TBL1XR1: variants seen among roughly 807,000 people sequenced by gnomAD.
TBL1XR1 encodes the protein F-box-like/WD repeat-containing protein TBL1XR1.
In TBL1XR1, 5 loss-of-function variants were observed where a neutral mutation model predicts 66.9. The ratio of observed to expected loss-of-function variants is 0.07; its 90% CI spans 0.04 to 0.16. The LOEUF (loss-of-function observed/expected upper bound fraction) is 0.16. Among genes scored for constraint, TBL1XR1 ranks in the 10% least tolerant of loss-of-function variants. The pLI, the probability that TBL1XR1 is intolerant of heterozygous loss-of-function variation, is 1.00. For missense variants in TBL1XR1, 238 were observed against 623.2 expected (o/e 0.38, Z 6.58); for synonymous variants, 210 against 206.0 (o/e 1.02, Z -0.17).
chr3:177,155,914 C>A (rs1443027401), intron 1 of TBL1XR1, among the ~76,000 whole-genome samples: 1 of 151,662 alleles, frequency 6.6e-6, no homozygotes, highest in Non-Finnish European at 1.5e-5. Flanking sequence ...GAGGCTGAGG[C>A]ACAGGAATCA....
At chr3:177,123,470 GATAA>G (rs1231293236) in intron 1 of TBL1XR1, among the ~76,000 whole-genome samples, 2 of 151,902 alleles carry the variant, frequency 1.3e-5, no homozygotes, top group Non-Finnish European at 2.9e-5. Context: ...GGGCAAACAA[GATAA>G]ATATTTTAAA....
At chr3:177,158,857 T>G (rs916026977) in intron 1 of TBL1XR1, among the ~76,000 whole-genome samples, 2 of 152,156 alleles carry the variant, frequency 1.3e-5, no homozygotes, top group Non-Finnish European at 2.9e-5. Flanking sequence ...ATTAAAGAGA[T>G]ATCATTCTTC....
intron 2 of TBL1XR1, among the ~76,000 whole-genome samples, chr3:177,081,877 CTG>C (rs1393660064): frequency 6.6e-6 from 1 of 151,720 alleles, no homozygotes; most frequent in Non-Finnish European, 1.5e-5. Flanking sequence ...TTAAGTCTAA[CTG>C]AACTATTGTT....
intron 15 of TBL1XR1, 60 bp downstream of exon 15, chr3:177,026,313 G>T: frequency 7.7e-7 from 1 of 1,296,062 alleles, no homozygotes. Flanking sequence ...CTAACAATAA[G>T]CTGCATTCTG....
intron 12 of TBL1XR1, 74 bp from the exon 13 acceptor site, chr3:177,034,399 T>C: frequency 1.9e-6 from 2 of 1,073,342 alleles, no homozygotes; most frequent in Non-Finnish European, 2.5e-6. Flanking sequence ...TTTTGACACT[T>C]AAAATATTAT....
At chr3:177,096,515 G>T (rs868797565) in intron 2 of TBL1XR1, among the ~76,000 whole-genome samples, 3 of 152,166 alleles carry the variant, frequency 2.0e-5, no homozygotes, top group African/African-American at 7.2e-5. Flanking sequence ...ATAGGCATTT[G>T]TAAGAGATAG....
chr3:177,116,819 T>C (rs1404855527), intron 1 of TBL1XR1, among the ~76,000 whole-genome samples: 1 of 152,152 alleles, frequency 6.6e-6, no homozygotes, highest in Non-Finnish European at 1.5e-5. Flanking sequence ...ACCTGGGAAA[T>C]AAAAAGCACT....
At chr3:177,085,852 A>G (rs1722051275) in intron 2 of TBL1XR1, among the ~76,000 whole-genome samples, 2 of 152,136 alleles carry the variant, frequency 1.3e-5, no homozygotes, top group Non-Finnish European at 2.9e-5. Flanking sequence ...GTCCACCAAA[A>G]ACTCTCACGA....
At chr3:177,088,491 G>A (rs986828175) in intron 2 of TBL1XR1, among the ~76,000 whole-genome samples, 1 of 152,134 alleles carries the variant, frequency 6.6e-6, no homozygotes, top group Admixed American at 6.5e-5. Context: ...TATGAAATCT[G>A]AAATACTCTG....
At position 177,194,422 on chromosome 3, in the gene TBL1XR1, C is replaced by T. The variant is rs149634483; in HGVS notation, c.-122+2699G>A. Among the ~76,000 whole-genome samples the T allele has an allele frequency of 1.7e-4, 26 of 152,318 alleles. No homozygotes were observed. In the East Asian group the frequency reaches 4.8e-3, roughly 28 times the overall value. On this transcript the variant is annotated intron_variant, in intron 1 of 15. Transcript: ENST00000457928. The stretch of plus-strand genomic sequence containing the variant: ...TTCTGCCATGCCTCTCCCCTGACTT[C>T]CTACCATTCACATTCTTCTTTATTC...
At chr3:177,026,549 T>A in intron 14 of TBL1XR1, 75 bp from the exon 15 acceptor site, 1 of 1,048,566 alleles carries the variant, frequency 9.5e-7, no homozygotes, top group Non-Finnish European at 1.3e-6. Context: ...AATAAAAATA[T>A]TACATAGCTT....
chr3:177,072,389 A>G (rs1029768285), intron 2 of TBL1XR1, among the ~76,000 whole-genome samples: 1 of 152,150 alleles, frequency 6.6e-6, no homozygotes, highest in African/African-American at 2.4e-5. Flanking sequence ...ATAGTGGGTA[A>G]AACTGCTCAC....
In TBL1XR1 at chr3:177,118,541, A is replaced by ATTTC. The variant is rs1402669435; in HGVS notation, c.-121-20001_-121-20000insGAAA. Among the ~76,000 whole-genome samples, 13 of 152,354 alleles carry ATTTC rather than the reference A, an allele frequency of 8.5e-5. 1 individual carries two copies. In the South Asian group the frequency reaches 1.2e-3, roughly 15 times the overall value. On this transcript the variant is annotated intron_variant, in intron 1 of 15. Coordinates refer to ENST00000457928, the MANE Select transcript of TBL1XR1 (RefSeq NM_024665.7). ...ACGGAAGGAAGAAGAAAGGAAATAA[A>ATTTC]AAGACAGACATTAGGAAGACTTTAA...
chr3:177,176,163 A>G (rs1734123657), intron 1 of TBL1XR1, among the ~76,000 whole-genome samples: 2 of 152,198 alleles, frequency 1.3e-5, no homozygotes, highest in South Asian at 2.1e-4. Context: ...CAATAAAATA[A>G]TAAGTTGTTC....
intron 2 of TBL1XR1, chr3:177,078,663 G>A (rs1002737103): frequency 7.2e-5 from 11 of 151,930 alleles, no homozygotes; most frequent in South Asian, 2.1e-4. Context: ...AAACAATATC[G>A]GCTGGGTGCG....
At chr3:177,039,397 T>C (rs1028099894) in intron 10 of TBL1XR1, among the ~76,000 whole-genome samples, 4 of 152,158 alleles carry the variant, frequency 2.6e-5, no homozygotes, top group Non-Finnish European at 4.4e-5. Context: ...CATTATCATC[T>C]ACTCAACTAA....
At chr3:177,178,725 C>G (rs1323894435) in intron 1 of TBL1XR1, among the ~76,000 whole-genome samples, 1 of 152,032 alleles carries the variant, frequency 6.6e-6, no homozygotes, top group Non-Finnish European at 1.5e-5. Context: ...GAGATGGGAC[C>G]ATATTTTAAG....
intron 12 of TBL1XR1, among the ~76,000 whole-genome samples, chr3:177,034,943 G>GA (rs56207108): frequency 0.25 from 37,326 of 149,474 alleles, 4,885 homozygotes; most frequent in East Asian, 0.49. Flanking sequence ...GTATTTCTGG[G>GA]AAAAAAAAAA....
intron 4 of TBL1XR1, among the ~76,000 whole-genome samples, chr3:177,053,057 G>A (rs937283731): frequency 6.6e-6 from 1 of 152,130 alleles, no homozygotes; most frequent in African/African-American, 2.4e-5. Flanking sequence ...AGCTGAGATT[G>A]TGCCACCACA....
Sources: gnomAD v4.1 joint callset for allele counts (sites outside exome capture counted in the v4.1 genomes callset) on GRCh38, gnomAD v4.1.1 for gene constraint, MANE v1.5 for transcripts, NCBI Gene and HGNC (gene_info 2026-07-23, HGNC 2026-07-21) for gene names.